FGF20: variants seen among roughly 807,000 people sequenced by gnomAD.
FGF20 encodes fibroblast growth factor 20.
Under a neutral mutation model 16.7 loss-of-function variants are expected in FGF20, and 8 were observed. The ratio of observed to expected loss-of-function variants is 0.48; its 90% CI spans 0.28 to 0.87. The LOEUF (loss-of-function observed/expected upper bound fraction) is 0.87, where lower values mean the gene tolerates loss of function less well. Ranked by LOEUF, FGF20 falls within the 40% of genes least tolerant of loss-of-function variation. The pLI is 0.10. For synonymous variants in FGF20, 161 were observed against 118.6 expected, an observed-to-expected ratio of 1.36 and a Z score of -2.32; for missense variants, 397 against 281.4, an observed-to-expected ratio of 1.41 and a Z score of -2.94.
At position 17,002,116 on chromosome 8, in the gene FGF20, A is replaced by G; in HGVS notation, c.-84T>C. On this transcript the variant is annotated 5_prime_UTR_variant, in exon 1 of 3. Transcript: ENST00000180166. ...ATGGAGGTGGATAGAGAAAAATTAT[A>G]GCAAAACGAGCGCAAAAAGTTAAGG... is the stretch of plus-strand genomic sequence containing the variant. 1.4e-6 allele frequency: 2 copies of G among 1,384,570 alleles called. No individual in the cohort carries two copies. The highest frequency in any genetic ancestry group is 1.5e-5 in the South Asian group (1 of 66,264). 85.8% of individuals were successfully genotyped at this position (1,384,570 alleles called of 1,614,324 possible). A position where few individuals can be genotyped will look rare whatever the true frequency, so the allele number is the denominator to read the frequency against.
intron 1 of FGF20, among the ~76,000 whole-genome samples, chr8:16,998,913 C>T (rs1810120566): frequency 6.6e-6 from 1 of 151,404 alleles, no homozygotes; most frequent in Non-Finnish European, 1.5e-5. Context: ...TTTCCTTTAA[C>T]ATCTCAAATA....
intron 1 of FGF20, among the ~76,000 whole-genome samples, chr8:16,999,909 A>C (rs1196689105): frequency 6.6e-6 from 1 of 152,028 alleles, no homozygotes; most frequent in Non-Finnish European, 1.5e-5. Flanking sequence ...ACTATTACCT[A>C]AGCTTAACTT....
At chr8:16,999,948 C>T (rs1810144756) in intron 1 of FGF20, among the ~76,000 whole-genome samples, 1 of 152,170 alleles carries the variant, frequency 6.6e-6, no homozygotes, top group African/African-American at 2.4e-5. Flanking sequence ...AGTATTATCA[C>T]ATTTGTGTTT....
chr8:16,998,891 A>T (rs1337768424), intron 1 of FGF20, among the ~76,000 whole-genome samples: 2 of 152,110 alleles, frequency 1.3e-5, no homozygotes, highest in Non-Finnish European at 2.9e-5. Context: ...ACTGGCAAAA[A>T]AAAAAAAGTT....
chr8:16,999,958 T>C (rs1359970239), intron 1 of FGF20, among the ~76,000 whole-genome samples: 1 of 152,242 alleles, frequency 6.6e-6, no homozygotes, highest in Non-Finnish European at 1.5e-5. Context: ...CATTTGTGTT[T>C]ATTTCTAAAT....
Position 16,993,239 on chromosome 8 carries a change from T to C in FGF20, c.469A>G (p.Lys157Glu), listed in dbSNP as rs750479279. 7.4e-6 allele frequency: 12 copies of C among 1,614,060 alleles called. No homozygotes were observed. The African/African-American group carries it at 1.6e-4, about 22-fold the overall frequency. Residue 157 changes from lysine to glutamate, a missense_variant, in exon 3 of 3, where the codon AAA becomes GAA. Coordinates refer to ENST00000180166, the MANE Select transcript of FGF20 (RefSeq NM_019851.3). ...TACCTGCGGCCAGTGTCTCCATGTT[T>C]ATATATGTTAGATGAATAGGTGTTA... The part of the protein sequence containing the change: ...WYNTYSSNIY[K>E]HGDTGRRYFV...
intron 2 of FGF20, among the ~76,000 whole-genome samples, chr8:16,995,222 T>C (rs1810015663): frequency 6.6e-6 from 1 of 152,228 alleles, no homozygotes; most frequent in Admixed American, 6.5e-5. Context: ...TTTACTCACT[T>C]ATTTCTTAAA....
At chr8:16,995,181 T>A (rs1810014581) in intron 2 of FGF20, among the ~76,000 whole-genome samples, 1 of 152,228 alleles carries the variant, frequency 6.6e-6, no homozygotes, top group African/African-American at 2.4e-5. Context: ...GTGTTTGCCA[T>A]CTTCTCCTGT....
rs1450402875 is a variant in FGF20 at position 16,993,186 on chromosome 8, A to T, written c.522T>A (p.Thr174=). Residue 174 remains threonine, a synonymous_variant, in exon 3 of 3, where the codon ACT becomes ACA. Transcript: ENST00000180166. Reference sequence around the variant, plus strand: ...TCTTGGACCTGGCGCCATCTCTTGGAGTTCCGTCTTTGTTAAGTGCCACAA... The same window carrying T: ...TCTTGGACCTGGCGCCATCTCTTGGTGTTCCGTCTTTGTTAAGTGCCACAA... ...RYFVALNKDG[T]PRDGARSKRH... is the part of the protein sequence containing the mutation. 6.2e-7 allele frequency: 1 copy of T among 1,614,036 alleles called. No homozygotes were observed. The highest frequency in any genetic ancestry group is 8.5e-7 in the Non-Finnish European group (1 of 1,179,996).
intron 2 of FGF20, among the ~76,000 whole-genome samples, chr8:16,994,345 C>T (rs2904644): frequency 0.96 from 145,873 of 152,286 alleles, 70,169 homozygotes; most frequent in East Asian, 1. Flanking sequence ...GATACATTCT[C>T]CACGATTTTT....
chr8:16,994,184 T>A (rs1464185166), intron 2 of FGF20, among the ~76,000 whole-genome samples: 1 of 152,206 alleles, frequency 6.6e-6, no homozygotes, highest in African/African-American at 2.4e-5. Context: ...GTAGTTTATC[T>A]TTTTCCATCG....
chr8:16,999,854 G>A (rs1810143067), intron 1 of FGF20, among the ~76,000 whole-genome samples: 1 of 151,470 alleles, frequency 6.6e-6, no homozygotes, highest in Non-Finnish European at 1.5e-5. Flanking sequence ...TTTCTTAAAA[G>A]TAGAATTTCC....
intron 1 of FGF20, among the ~76,000 whole-genome samples, chr8:16,997,857 TAAC>T (rs1810091285): frequency 6.6e-6 from 1 of 152,228 alleles, no homozygotes; most frequent in Non-Finnish European, 1.5e-5. Context: ...TATATTAATG[TAAC>T]TTCATTCAGG....
chr8:16,993,446 T>C, intron 2 of FGF20, 129 bp from the exon 3 acceptor site: 1 of 961,588 alleles, frequency 1.0e-6, no homozygotes, highest in Non-Finnish European at 1.5e-6. Context: ...TGGTTTTGCT[T>C]TATTTTGTTT....
chr8:17,000,427 T>C (rs1810154549), intron 1 of FGF20, among the ~76,000 whole-genome samples: 1 of 151,600 alleles, frequency 6.6e-6, no homozygotes, highest in South Asian at 2.1e-4. Flanking sequence ...GTCCTACAAG[T>C]CAAAAAGGGA....
chr8:16,993,326 G>C lies in FGF20; in HGVS notation c.391-9C>G. 2.5e-6 allele frequency: 4 copies of C among 1,591,464 alleles called. No individual in the cohort carries two copies. Among genetic ancestry groups the C allele is most frequent in the South Asian group, 2.3e-5 (2 of 86,692 alleles). On this transcript the variant is annotated splice_polypyrimidine_tract_variant and intron_variant, in intron 2 of 2. Coordinates refer to ENST00000180166, the MANE Select transcript of FGF20 (RefSeq NM_019851.3). ...TCGGAAGTAAGTTTCTCCTGAAAGAGAGAAGATAACTATTATTTTTTAAAA... is the reference window on the plus strand; with the variant it reads ...TCGGAAGTAAGTTTCTCCTGAAAGACAGAAGATAACTATTATTTTTTAAAA...
rs1809935682 is a variant in FGF20 at position 16,992,446 on chromosome 8, A to G, written c.*626T>C. 1.3e-5 allele frequency: 2 copies of G among 151,842 alleles called. No homozygotes were observed. Among genetic ancestry groups the G allele is most frequent in the South Asian group, 2.1e-4 (1 of 4,830 alleles). The allele number at this position is 151,842 out of a possible 1,614,324, so 9.4% of individuals were successfully genotyped here. A position where few individuals can be genotyped will look rare whatever the true frequency, so the allele number is the denominator to read the frequency against. On this transcript the variant is annotated 3_prime_UTR_variant, in exon 3 of 3. Coordinates refer to ENST00000180166, the MANE Select transcript of FGF20 (RefSeq NM_019851.3). ...TTTGTTGTTTTTTACTCTTTGTATT[A>G]TCTTCATATCCCAGTAAAAAATAAA...
chr8:16,999,995 G>A (rs926742717), intron 1 of FGF20, among the ~76,000 whole-genome samples: 1 of 152,132 alleles, frequency 6.6e-6, no homozygotes, highest in Non-Finnish European at 1.5e-5. Context: ...ATATTTTTCT[G>A]TAATGAGCGC....
intron 1 of FGF20, among the ~76,000 whole-genome samples, chr8:17,001,179 CAAGTCTCT>C (rs1053852589): frequency 6.6e-6 from 1 of 151,954 alleles, no homozygotes; most frequent in Non-Finnish European, 1.5e-5. Context: ...TGAACATTTG[CAAGTCTCT>C]AGGTAGACAC....
Sources: allele counts gnomAD v4.1 joint callset (sites outside exome capture counted in the v4.1 genomes callset), GRCh38; gene constraint gnomAD v4.1.1; transcripts MANE v1.5; gene names NCBI Gene and HGNC (gene_info 2026-07-23, HGNC 2026-07-21).